LRMDA: variants seen among roughly 807,000 people sequenced by gnomAD.
LRMDA encodes the protein leucine rich melanocyte differentiation associated.
In LRMDA, 18 loss-of-function variants were observed where a neutral mutation model predicts 29.8. The observed-to-expected ratio is 0.60, with a 90% CI of 0.42 to 0.90. The LOEUF (loss-of-function observed/expected upper bound fraction) is 0.90, where lower values mean the gene tolerates loss of function less well. Ranked by LOEUF, LRMDA falls within the 40% of genes least tolerant of loss-of-function variation. LRMDA has a pLI of 0.00. For missense variants in LRMDA, 273 were observed against 273.9 expected (o/e 1.00, Z 0.02); for synonymous variants, 125 against 109.4 (o/e 1.14, Z -0.89).
At chr10:75,666,065 T>G (rs1161684136) in intron 2 of LRMDA, among the ~76,000 whole-genome samples, 1 of 152,190 alleles carries the variant, frequency 6.6e-6, no homozygotes, top group East Asian at 1.9e-4. Flanking sequence ...TATGTAAGAA[T>G]TATGATTTTA....
chr10:75,820,647 A>G (rs1218192480), intron 2 of LRMDA, among the ~76,000 whole-genome samples: 1 of 152,234 alleles, frequency 6.6e-6, no homozygotes, highest in East Asian at 1.9e-4. Context: ...AGCTAGCAGA[A>G]GAAAAGAAAT....
intron 6 of LRMDA, among the ~76,000 whole-genome samples, chr10:76,410,655 C>T (rs2132507844): frequency 6.6e-6 from 1 of 151,692 alleles, no homozygotes; most frequent in African/African-American, 2.4e-5. Context: ...ATTACATTGG[C>T]TTATTACAAA....
At chr10:75,717,907 T>C (rs1332263286) in intron 2 of LRMDA, among the ~76,000 whole-genome samples, 1 of 152,176 alleles carries the variant, frequency 6.6e-6, no homozygotes, top group East Asian at 1.9e-4. Context: ...CCCTACTTAT[T>C]GGACATAACA....
intron 2 of LRMDA, among the ~76,000 whole-genome samples, chr10:75,657,800 G>A (rs910481738): frequency 3.3e-5 from 5 of 152,116 alleles, no homozygotes; most frequent in Admixed American, 2.0e-4. Flanking sequence ...GCAGGGTAAC[G>A]GGTCCTAGGC....
At chr10:75,663,852 A>G (rs1841786222) in intron 2 of LRMDA, among the ~76,000 whole-genome samples, 2 of 152,100 alleles carry the variant, frequency 1.3e-5, no homozygotes, top group Admixed American at 6.5e-5. Context: ...CCTAAAATGG[A>G]TGGGTTCCAT....
intron 6 of LRMDA, among the ~76,000 whole-genome samples, chr10:76,330,865 T>C (rs1166773131): frequency 6.6e-6 from 1 of 152,242 alleles, no homozygotes; most frequent in Non-Finnish European, 1.5e-5. Context: ...AAACAAAATC[T>C]ACAGAAAACA....
intron 2 of LRMDA, among the ~76,000 whole-genome samples, chr10:75,694,263 C>A (rs754941906): frequency 8.5e-5 from 13 of 152,092 alleles, no homozygotes; most frequent in Non-Finnish European, 2.9e-5. Context: ...AGTTGAGATG[C>A]AGCATTTTTA....
At chr10:76,148,461 GAC>G (rs1353992119) in intron 5 of LRMDA, among the ~76,000 whole-genome samples, 1 of 152,124 alleles carries the variant, frequency 6.6e-6, no homozygotes, top group Non-Finnish European at 1.5e-5. Flanking sequence ...AGCAATGAGC[GAC>G]ACACGGTGGG....
chr10:75,881,204 C>T (rs557099034), intron 2 of LRMDA, among the ~76,000 whole-genome samples: 26 of 152,146 alleles, frequency 1.7e-4, no homozygotes, highest in Non-Finnish European at 2.8e-4. Flanking sequence ...TAGCTGCCTC[C>T]GGTGTGCTGG....
intron 6 of LRMDA, among the ~76,000 whole-genome samples, chr10:76,418,421 G>A (rs992296794): frequency 1.3e-5 from 2 of 151,670 alleles, no homozygotes; most frequent in Non-Finnish European, 2.9e-5. Context: ...TTTCAAAATA[G>A]TATGGTAATA....
At chr10:76,040,085 T>C (rs1294990599) in intron 3 of LRMDA, among the ~76,000 whole-genome samples, 6 of 152,214 alleles carry the variant, frequency 3.9e-5, no homozygotes, top group African/African-American at 7.2e-5. Context: ...TGAAGTCACA[T>C]AGATTGTCAG....
At chr10:75,818,035 T>C (rs1309444172) in intron 2 of LRMDA, among the ~76,000 whole-genome samples, 2 of 152,236 alleles carry the variant, frequency 1.3e-5, no homozygotes, top group Non-Finnish European at 2.9e-5. Context: ...GTTCCATGAA[T>C]TGCAGGTGGA....
intron 6 of LRMDA, among the ~76,000 whole-genome samples, chr10:76,475,759 T>A (rs1336423639): frequency 6.6e-6 from 1 of 151,760 alleles, no homozygotes. Context: ...TCAAAACCGC[T>A]CAACTACATG....
At chr10:75,767,577 G>A (rs914524710) in intron 2 of LRMDA, among the ~76,000 whole-genome samples, 1 of 152,146 alleles carries the variant, frequency 6.6e-6, no homozygotes, top group Non-Finnish European at 1.5e-5. Context: ...GGTGAAGACT[G>A]TCATTCATTC....
intron 2 of LRMDA, among the ~76,000 whole-genome samples, chr10:75,862,178 TCA>T (rs3042514): frequency 0.03 from 4,350 of 147,338 alleles, 158 homozygotes; most frequent in East Asian, 0.083. Context: ...AACCTTGGGT[TCA>T]CACACACACA....
chr10:75,923,199 C>T (rs1846055590), intron 2 of LRMDA, among the ~76,000 whole-genome samples: 1 of 152,146 alleles, frequency 6.6e-6, no homozygotes. Flanking sequence ...TATTTAAATA[C>T]TGACTGTATT....
chr10:76,144,773 T>C (rs1432163201), intron 5 of LRMDA, among the ~76,000 whole-genome samples: 2 of 152,118 alleles, frequency 1.3e-5, no homozygotes, highest in Non-Finnish European at 2.9e-5. Flanking sequence ...CTTGTGCCTG[T>C]TTTCAAAGGG....
intron 2 of LRMDA, among the ~76,000 whole-genome samples, chr10:75,965,669 C>G (rs1846847122): frequency 6.6e-6 from 1 of 152,122 alleles, no homozygotes; most frequent in South Asian, 2.1e-4. Flanking sequence ...TTTCCTTTCT[C>G]TTCTTTTCTG....
intron 2 of LRMDA, among the ~76,000 whole-genome samples, chr10:75,702,620 A>T (rs1842322392): frequency 6.6e-6 from 1 of 152,188 alleles, no homozygotes. Flanking sequence ...AGGGAAAAAA[A>T]CCCCACAAAT....
Sources: allele counts gnomAD v4.1 joint callset (sites outside exome capture counted in the v4.1 genomes callset), GRCh38; gene constraint gnomAD v4.1.1; transcripts MANE v1.5; gene names NCBI Gene and HGNC (gene_info 2026-07-23, HGNC 2026-07-21).